CANT1: variants seen among roughly 807,000 people sequenced by gnomAD.
CANT1 encodes calcium activated nucleotidase 1.
Under a neutral mutation model 30.0 loss-of-function variants are expected in CANT1, and 26 were observed. The observed-to-expected ratio is 0.87, with a 90% CI of 0.64 to 1.20. The LOEUF (loss-of-function observed/expected upper bound fraction) is 1.20. Among genes scored for constraint, CANT1 ranks in the 50% most tolerant of loss-of-function variants. The pLI is 0.00. For synonymous variants in CANT1, 246 were observed against 251.8 expected (o/e 0.98, Z 0.22); for missense variants, 518 against 563.0 (o/e 0.92, Z 0.81).
chr17:79,005,772 G>C (rs1354829899), intron 1 of CANT1, among the ~76,000 whole-genome samples: 1 of 152,098 alleles, frequency 6.6e-6, no homozygotes, highest in Non-Finnish European at 1.5e-5. Flanking sequence ...AAACCCCACT[G>C]ACCTACAGAC....
rs3744170 is a variant in CANT1 at position 78,995,342 on chromosome 17, C to A, written c.632-121G>T. ...CACCTGACTCCCGCCCGGCTCCACA[C>A]CTGCCTCCCCTCCGGCCCGCACCTG... is the stretch of plus-strand genomic sequence containing the variant. On this transcript the variant is annotated intron_variant, in intron 3 of 4. Transcript: ENST00000392446. This position sits in a 1 kb window ranked among gnomAD's most constrained non-coding sequence, Gnocchi z 5.7. The A allele has an allele frequency of 0.07, 75,225 of 1,067,154 alleles. 3,827 individuals carry two copies. The highest frequency in any genetic ancestry group is 0.27 in the East Asian group (10,489 of 38,496). The allele number at this position is 1,067,154 out of a possible 1,614,324, so 66.1% of individuals were successfully genotyped here.
Position 78,992,969 on chromosome 17 carries a change from A to G in CANT1, c.*581T>C. 5.6e-6 allele frequency: 2 copies of G among 356,400 alleles called. No homozygotes were observed. The highest frequency in any genetic ancestry group is 4.5e-5 in the East Asian group (1 of 22,340). The allele number at this position is 356,400 out of a possible 1,614,324, so 22.1% of individuals were successfully genotyped here. A position where few individuals can be genotyped will look rare whatever the true frequency, so the allele number is the denominator to read the frequency against. On this transcript the variant is annotated 3_prime_UTR_variant, in exon 5 of 5. Coordinates refer to ENST00000392446, the MANE Select transcript of CANT1 (RefSeq NM_001159773.2). ...TTTTATCTGAGGCCTGAGAACCAAC[A>G]GATGTGCCTGCGCCCTGGCCTGTGC... is the stretch of plus-strand genomic sequence containing the variant.
Position 78,992,077 on chromosome 17 carries a change from T to G in CANT1, c.*1473A>C. 1 of 232,214 alleles carries G rather than the reference T, an allele frequency of 4.3e-6. No individual in the cohort carries two copies. Among genetic ancestry groups the G allele is most frequent in the East Asian group, 6.1e-5 (1 of 16,464 alleles). The allele number at this position is 232,214 out of a possible 1,614,324, so 14.4% of individuals were successfully genotyped here. A position where few individuals can be genotyped will look rare whatever the true frequency, so the allele number is the denominator to read the frequency against. ...CTTGGGGCTTCCAGGCTATGCCCGG[T>G]GACAGCTGAGCTCTTCAGAAATGCG... On this transcript the variant is annotated 3_prime_UTR_variant, in exon 5 of 5. Transcript: ENST00000392446.
In CANT1 at chr17:78,997,651, A is replaced by G; in HGVS notation, c.-22-7T>C. The G allele has an allele frequency of 6.5e-7, 1 of 1,537,818 alleles. No homozygotes were observed. Among genetic ancestry groups the G allele is most frequent in the Non-Finnish European group, 8.8e-7 (1 of 1,142,536 alleles). On this transcript the variant is annotated splice_region_variant and splice_polypyrimidine_tract_variant and intron_variant, in intron 2 of 4. Transcript: ENST00000392446. The surrounding 1 kb of genome is among the most constrained non-coding windows in gnomAD (Gnocchi z 7.5). Reference sequence around the variant, plus strand: ...CGTGACAGACAGGCGGGACCTGCACAGCCAGGGAGGGAGGAGAGGAGTCAG... The same window carrying G: ...CGTGACAGACAGGCGGGACCTGCACGGCCAGGGAGGGAGGAGAGGAGTCAG...
rs2071645072 is a variant in CANT1, at chr17:79,008,951, G to A, written c.-147+713C>T. ...GGTGGGGAAGGTTGGCCTGTTACAG[G>A]TTTGACCAAGTGCCAGTCAGAGGGA... is the stretch of plus-strand genomic sequence containing the variant. On this transcript the variant is annotated intron_variant, in intron 1 of 4. Coordinates refer to ENST00000392446, the MANE Select transcript of CANT1 (RefSeq NM_001159773.2). This position sits in a 1 kb window ranked among gnomAD's most constrained non-coding sequence, Gnocchi z 4.4. Among the ~76,000 whole-genome samples the A allele has an allele frequency of 6.6e-6, 1 of 152,232 alleles. No individual in the cohort carries two copies. Among genetic ancestry groups the A allele is most frequent in the Non-Finnish European group, 1.5e-5 (1 of 68,038 alleles).
chr17:79,005,995 T>C (rs1378953753), intron 1 of CANT1: 1 of 152,214 alleles, frequency 6.6e-6, no homozygotes, highest in Non-Finnish European at 1.5e-5. Flanking sequence ...GGGTGGGCAG[T>C]ACAAGGAAAC....
In CANT1 at chr17:78,993,151, A is replaced by C; in HGVS notation, c.*399T>G. Reference sequence around the variant, plus strand: ...AGGGGGTGACCTGGGGTTCCCAGCAAACAGGTCCACCTCATGCTCACTGCG... The same window carrying C: ...AGGGGGTGACCTGGGGTTCCCAGCACACAGGTCCACCTCATGCTCACTGCG... On this transcript the variant is annotated 3_prime_UTR_variant, in exon 5 of 5. Coordinates refer to ENST00000392446, the MANE Select transcript of CANT1 (RefSeq NM_001159773.2). The surrounding 1 kb of genome is among the most constrained non-coding windows in gnomAD (Gnocchi z 4.5). 5.7e-6 allele frequency: 2 copies of C among 350,872 alleles called. No homozygotes were observed. Among genetic ancestry groups the C allele is most frequent in the Admixed American group, 8.9e-5 (2 of 22,352 alleles). 21.7% of individuals were successfully genotyped at this position (350,872 alleles called of 1,614,324 possible). A position where few individuals can be genotyped will look rare whatever the true frequency, so the allele number is the denominator to read the frequency against.
chr17:78,992,705 C>T lies in CANT1; in HGVS notation c.*845G>A, dbSNP rs763216399. The T allele has an allele frequency of 3.4e-6, 2 of 596,752 alleles. No homozygotes were observed. Among genetic ancestry groups the T allele is most frequent in the Non-Finnish European group, 6.5e-6 (2 of 308,252 alleles). The allele number at this position is 596,752 out of a possible 1,614,324, so 37.0% of individuals were successfully genotyped here. ...CTTTGTATCCATTGGCCAAGAACGCCGACATGTGAGACTTGCTTCACCAGC... is the reference window on the plus strand; with the variant it reads ...CTTTGTATCCATTGGCCAAGAACGCTGACATGTGAGACTTGCTTCACCAGC... On this transcript the variant is annotated 3_prime_UTR_variant, in exon 5 of 5. Coordinates refer to ENST00000392446, the MANE Select transcript of CANT1 (RefSeq NM_001159773.2).
In CANT1 at chr17:78,995,513, A is replaced by C. The variant is rs2071007454; in HGVS notation, c.632-292T>G. On this transcript the variant is annotated intron_variant, in intron 3 of 4. Coordinates refer to ENST00000392446, the MANE Select transcript of CANT1 (RefSeq NM_001159773.2). The surrounding 1 kb of genome is among the most constrained non-coding windows in gnomAD (Gnocchi z 5.7). ...TATCCTTAAAGGCTAGAAAAGCTGA[A>C]AAGTGACAGCACTCTGAAGGGGCAC... Among the ~76,000 whole-genome samples, 1 of 152,220 alleles carries C rather than the reference A, an allele frequency of 6.6e-6. No individual in the cohort carries two copies. The highest frequency in any genetic ancestry group is 6.5e-5 in the Admixed American group (1 of 15,284).
At position 78,995,142 on chromosome 17, in the gene CANT1, C is replaced by T. The variant is rs540991187; in HGVS notation, c.711G>A (p.Thr237=). The change falls in exon 4 of 5, where the codon ACG becomes ACA. Residue 237 remains threonine (T), a synonymous_variant. Transcript: ENST00000392446. This position sits in a 1 kb window ranked among gnomAD's most constrained non-coding sequence, Gnocchi z 5.7. The part of the protein sequence containing the change: ...GGLGKEWTTT[T]GDVVNENPEW... The stretch of plus-strand genomic sequence containing the variant: ...CCGGGTTCTCGTTCACCACATCACC[C>T]GTAGTGGTCGTCCACTCCTTGCCCA... 1.5e-5 allele frequency: 24 copies of T among 1,614,080 alleles called. No individual in the cohort carries two copies. In the Middle Eastern group the frequency reaches 8.3e-4, roughly 55 times the overall value.
Position 78,993,244 on chromosome 17 carries a change from C to T in CANT1, c.*306G>A. 2.1e-6 allele frequency: 1 copy of T among 467,174 alleles called. No individual in the cohort carries two copies. Among genetic ancestry groups the T allele is most frequent in the South Asian group, 2.1e-5 (1 of 46,600 alleles). The allele number at this position is 467,174 out of a possible 1,614,324, so 28.9% of individuals were successfully genotyped here. A position where few individuals can be genotyped will look rare whatever the true frequency, so the allele number is the denominator to read the frequency against. ...TAGGGATATTCACTGAACAAAAGAA[C>T]ATAGGAAAGAAAAGAAACGAGGTCG... On this transcript the variant is annotated 3_prime_UTR_variant, in exon 5 of 5. Coordinates refer to ENST00000392446, the MANE Select transcript of CANT1 (RefSeq NM_001159773.2). This position sits in a 1 kb window ranked among gnomAD's most constrained non-coding sequence, Gnocchi z 4.5.
chr17:79,005,988 T>G (rs1009083679), intron 1 of CANT1: 33 of 152,194 alleles, frequency 2.2e-4, no homozygotes, highest in African/African-American at 7.2e-4. Flanking sequence ...TCCTCGGGGG[T>G]GGGCAGTACA....
rs760356756 is a variant in CANT1, at chr17:78,993,526, C to T, written c.*24G>A. On this transcript the variant is annotated 3_prime_UTR_variant, in exon 5 of 5. Transcript: ENST00000392446. The surrounding 1 kb of genome is among the most constrained non-coding windows in gnomAD (Gnocchi z 4.5). ...TTTATAAAAGCTGAGTCCTGATGGC[C>T]TTGCTCAGTGTTTCCGTTTTGAGTT... 1.4e-5 allele frequency: 22 copies of T among 1,614,154 alleles called. No individual in the cohort carries two copies. In the South Asian group the frequency reaches 2.4e-4, roughly 18 times the overall value.
At chr17:79,001,700 T>A (rs2071268412) in intron 1 of CANT1, among the ~76,000 whole-genome samples, 1 of 151,774 alleles carries the variant, frequency 6.6e-6, no homozygotes, top group African/African-American at 2.4e-5. Flanking sequence ...ATTGTCAGTG[T>A]CCCTCCTCGA....
At chr17:79,006,956 G>C (rs2071575053) in intron 1 of CANT1, among the ~76,000 whole-genome samples, 1 of 152,154 alleles carries the variant, frequency 6.6e-6, no homozygotes, top group Non-Finnish European at 1.5e-5. Flanking sequence ...CATTCTGGGG[G>C]GTCCCAGTCT....
chr17:78,993,593 G>C lies in CANT1; in HGVS notation c.1163C>G (p.Thr388Ser). 5 of 1,614,228 alleles carry C rather than the reference G, an allele frequency of 3.1e-6. No homozygotes were observed. Among genetic ancestry groups the C allele is most frequent in the South Asian group, 1.1e-5 (1 of 91,090 alleles). The change falls in exon 5 of 5, where the codon ACC (threonine) becomes AGC (serine). Residue 388 changes from threonine to serine, a missense_variant. Thr to Ser is a moderately conservative substitution (Grantham distance 58). Coordinates refer to ENST00000392446, the MANE Select transcript of CANT1 (RefSeq NM_001159773.2). The surrounding 1 kb of genome is among the most constrained non-coding windows in gnomAD (Gnocchi z 4.5). ...TTCGTATTTCACGCTTCCGATCTTG[G>C]TCTCCGGCAACAGGAAGCGCCCGTC... ...TLDGRFLLPE[T>S]KIGSVKYEGI...
rs913901787 is a variant in CANT1 at position 78,998,762 on chromosome 17, C to T, written c.-146-799G>A. Among the ~76,000 whole-genome samples, 29 of 152,368 alleles carry T rather than the reference C, an allele frequency of 1.9e-4. No homozygotes were observed. The highest frequency in any genetic ancestry group is 3.8e-4 in the Non-Finnish European group (26 of 68,028). On this transcript the variant is annotated intron_variant, in intron 1 of 4. Coordinates refer to ENST00000392446, the MANE Select transcript of CANT1 (RefSeq NM_001159773.2). This position sits in a 1 kb window ranked among gnomAD's most constrained non-coding sequence, Gnocchi z 4.5. ...CGTGGGGAGACAGCTCCCGGTGCTT[C>T]GATCGAGAACACTGGCCCTGGGCAG...
Position 78,993,923 on chromosome 17 carries a change from G to T in CANT1, c.836-3C>A. 1.3e-6 allele frequency: 2 copies of T among 1,575,032 alleles called. No individual in the cohort carries two copies. The highest frequency in any genetic ancestry group is 1.7e-6 in the Non-Finnish European group (2 of 1,167,824). ...GGCAGACTCATGGATGAGGTAGCCT[G>T]GGAACCGGGTGACCGCGGGTCAGAC... On this transcript the variant is annotated splice_polypyrimidine_tract_variant and splice_region_variant and intron_variant, in intron 4 of 4. Transcript: ENST00000392446. The surrounding 1 kb of genome is among the most constrained non-coding windows in gnomAD (Gnocchi z 4.5).
At position 79,008,602 on chromosome 17, in the gene CANT1, G is replaced by C. The variant is rs1197722020; in HGVS notation, c.-147+1062C>G. Among the ~76,000 whole-genome samples the C allele has an allele frequency of 6.6e-6, 1 of 152,190 alleles. No individual in the cohort carries two copies. The highest frequency in any genetic ancestry group is 1.5e-5 in the Non-Finnish European group (1 of 68,038). On this transcript the variant is annotated intron_variant, in intron 1 of 4. Transcript: ENST00000392446. This position sits in a 1 kb window ranked among gnomAD's most constrained non-coding sequence, Gnocchi z 4.4. ...GACACTAAGAGACGGCTTTTCCAGG[G>C]GTCACTAAGGGGGAAAGGTGTTTGG...
Sources: allele counts gnomAD v4.1 joint callset (sites outside exome capture counted in the v4.1 genomes callset), GRCh38; gene constraint gnomAD v4.1.1; non-coding constraint Gnocchi (gnomAD v3.1); transcripts MANE v1.5; gene names NCBI Gene and HGNC (gene_info 2026-07-23, HGNC 2026-07-21).